Variants in COL24A1 observed in about 807,000 individuals in gnomAD.
COL24A1 encodes the protein collagen type XXIV alpha 1 chain.
COL24A1 carries 224 observed loss-of-function variants against 253.9 expected under a neutral mutation model. That is an observed-to-expected ratio of 0.88 (90% CI 0.79 to 0.99). The LOEUF is 0.99. COL24A1 is among the 50% of genes least tolerant of loss of function. The pLI is 0.00. For missense variants in COL24A1, 2,131 were observed against 2,068.5 expected, an observed-to-expected ratio of 1.03 and a Z score of -0.59; for synonymous variants, 685 against 673.7, an observed-to-expected ratio of 1.02 and a Z score of -0.26.
At chr1:85,788,217 A>C (rs1669886325) in intron 47 of COL24A1, among the ~76,000 whole-genome samples, 1 of 151,916 alleles carries the variant, frequency 6.6e-6, no homozygotes, top group Non-Finnish European at 1.5e-5. Flanking sequence ...CAGCCTCCTG[A>C]GTAGCTGGGA....
chr1:86,130,974 C>T (rs570817585), intron 2 of COL24A1, among the ~76,000 whole-genome samples: 1 of 152,088 alleles, frequency 6.6e-6, no homozygotes, highest in South Asian at 2.1e-4. Flanking sequence ...CAACATTTCC[C>T]GAGTGTTGGA....
intron 24 of COL24A1, among the ~76,000 whole-genome samples, chr1:85,921,281 T>C (rs1406796368): frequency 4.6e-5 from 7 of 152,240 alleles, no homozygotes; most frequent in African/African-American, 1.2e-4. Flanking sequence ...CAGGAGATTA[T>C]ATCCTGTGCC....
At chr1:85,991,646 A>T (rs1000523958) in intron 19 of COL24A1, among the ~76,000 whole-genome samples, 1 of 152,150 alleles carries the variant, frequency 6.6e-6, no homozygotes, top group Non-Finnish European at 1.5e-5. Flanking sequence ...ACTTCTGGGT[A>T]AACATGCAAC....
intron 20 of COL24A1, among the ~76,000 whole-genome samples, chr1:85,980,469 G>A (rs1693140902): frequency 6.6e-6 from 1 of 152,164 alleles, no homozygotes; most frequent in South Asian, 2.1e-4. Flanking sequence ...CTGATAAATA[G>A]ATTCAGTAAA....
intron 45 of COL24A1, 142 bp downstream of exon 45, chr1:85,823,394 C>A: frequency 1.4e-6 from 1 of 702,822 alleles, no homozygotes; most frequent in Non-Finnish European, 2.3e-6. Flanking sequence ...TTGAAAAACA[C>A]CCTACTTAGA....
At chr1:85,975,489 T>C (rs972641753) in intron 20 of COL24A1, among the ~76,000 whole-genome samples, 1 of 152,196 alleles carries the variant, frequency 6.6e-6, no homozygotes, top group African/African-American at 2.4e-5. Context: ...GAGGATATTA[T>C]ATTAAGTGAA....
chr1:85,967,024 G>T (rs944177120), intron 22 of COL24A1, among the ~76,000 whole-genome samples: 1 of 152,178 alleles, frequency 6.6e-6, no homozygotes, highest in Non-Finnish European at 1.5e-5. Context: ...GAGACAGAGG[G>T]AATTGTTGGA....
chr1:86,092,155 C>T (rs1005182964), intron 6 of COL24A1, 112 bp downstream of exon 6: 5 of 753,650 alleles, frequency 6.6e-6, no homozygotes, highest in Non-Finnish European at 1.0e-5. Context: ...ACAATTAATT[C>T]TCATGTTTTT....
At chr1:86,134,593 C>T (rs939838026) in intron 2 of COL24A1, among the ~76,000 whole-genome samples, 7 of 151,116 alleles carry the variant, frequency 4.6e-5, no homozygotes, top group African/African-American at 1.7e-4. Context: ...TTTCTGCCTT[C>T]ATTTCGGTAT....
intron 24 of COL24A1, among the ~76,000 whole-genome samples, chr1:85,939,502 TG>T (rs1209363197): frequency 6.6e-6 from 1 of 152,200 alleles, no homozygotes; most frequent in Non-Finnish European, 1.5e-5. Flanking sequence ...GCATTTGGTA[TG>T]TATCCCAAAT....
chr1:86,134,525 T>C, intron 2 of COL24A1, among the ~76,000 whole-genome samples: 1 of 145,766 alleles, frequency 6.9e-6, no homozygotes, highest in African/African-American at 2.5e-5. Flanking sequence ...TTTGAATGTG[T>C]CCCAGAGATT....
At chr1:86,072,115 A>AT (rs1701920518) in intron 7 of COL24A1, among the ~76,000 whole-genome samples, 1 of 152,084 alleles carries the variant, frequency 6.6e-6, no homozygotes, top group African/African-American at 2.4e-5. Context: ...AGCTGCAGGA[A>AT]TTTTTTTCAT....
chr1:85,993,441 G>T (rs1401648680), intron 19 of COL24A1, among the ~76,000 whole-genome samples: 1 of 109,102 alleles, frequency 9.2e-6, no homozygotes. Context: ...AAAGAAGCCA[G>T]ACAAAAAAAA....
At position 86,125,760 on chromosome 1, in the gene COL24A1, T is replaced by C. The variant is rs1648175657; in HGVS notation, c.576A>G (p.Pro192=). The change falls in exon 3 of 60, where the codon CCA becomes CCG. Residue 192 remains proline, a synonymous_variant. Coordinates refer to ENST00000370571, the MANE Select transcript of COL24A1 (RefSeq NM_152890.7). ...TATTAGAATCAAAGGTCTGAACTTC[T>C]GGAATAGTCTCTGTGCTAAAATATT... ...GKKYFSTETI[P]EVQTFDSNSV... 2.5e-6 allele frequency: 4 copies of C among 1,611,992 alleles called. No homozygotes were observed. The highest frequency in any genetic ancestry group is 3.4e-6 in the Non-Finnish European group (4 of 1,179,286).
At chr1:86,006,152 GACAA>G (rs1695935905) in intron 19 of COL24A1, among the ~76,000 whole-genome samples, 1 of 152,152 alleles carries the variant, frequency 6.6e-6, no homozygotes, top group Non-Finnish European at 1.5e-5. Context: ...TGTGGATACT[GACAA>G]ACAGATTCTA....
chr1:86,005,304 T>C (rs1351586805), intron 19 of COL24A1, among the ~76,000 whole-genome samples: 1 of 151,838 alleles, frequency 6.6e-6, no homozygotes, highest in East Asian at 1.9e-4. Context: ...CAAGAAGACA[T>C]TGAACATTCA....
chr1:86,029,318 T>C (rs927689641), intron 14 of COL24A1, among the ~76,000 whole-genome samples: 16 of 152,204 alleles, frequency 1.1e-4, no homozygotes, highest in Middle Eastern at 3.2e-3. Context: ...CAAACACTTA[T>C]CAGCTAAATA....
chr1:85,771,775 CTTTTTTATTTAT>C (rs1417782070), intron 53 of COL24A1, among the ~76,000 whole-genome samples: 1 of 51,852 alleles, frequency 1.9e-5, no homozygotes, highest in Non-Finnish European at 4.5e-5. Flanking sequence ...TGTTGCCTGA[CTTTTTTATTTAT>C]TTATTTATTT....
In COL24A1 at chr1:86,152,890, G is replaced by C. The variant is rs190644511; in HGVS notation, c.56+3451C>G. 3.7e-4 allele frequency among the ~76,000 whole-genome samples: 56 copies of C among 152,232 alleles called. 2 individuals are homozygous for C. Among genetic ancestry groups the C allele is most frequent in the Admixed American group, 3.7e-3 (56 of 15,280 alleles). On this transcript the variant is annotated intron_variant, in intron 1 of 59. Transcript: ENST00000370571. ...TTTCAACAAATACATAACTTATCTAGCATCTTCTACCTATACACTCATCCC... is the reference window on the plus strand; with the variant it reads ...TTTCAACAAATACATAACTTATCTACCATCTTCTACCTATACACTCATCCC...
Sources: allele counts gnomAD v4.1 joint callset (sites outside exome capture counted in the v4.1 genomes callset), GRCh38; gene constraint gnomAD v4.1.1; transcripts MANE v1.5; gene names NCBI Gene and HGNC (gene_info 2026-07-23, HGNC 2026-07-21).